The following FAT3 variants were observed in gnomAD, a reference collection of about 807,000 sequenced individuals.
FAT3 encodes protocadherin Fat 3.
A neutral mutation model predicts 310.2 loss-of-function variants in FAT3; 95 were observed. The observed-to-expected ratio is 0.31, with a 90% confidence interval of 0.26 to 0.36. FAT3 has a LOEUF of 0.36. FAT3 is among the 10% of genes least tolerant of loss of function. The probability of loss-of-function intolerance (pLI) is 1.00; values close to 1 mark genes in which losing one functional copy is unlikely to be tolerated. For synonymous variants in FAT3, 2,314 were observed against 2,192.9 expected (o/e 1.06, Z -1.54); for missense variants, 5,408 against 5,715.6 (o/e 0.95, Z 1.74).
In FAT3 at chr11:92,334,931, T is replaced by A. The variant is rs570021982; in HGVS notation, c.-17-17165T>A. ...GACTGCCCTGCGTGTTCACCATTGATTATACCTGTGGAAATTCTTATCCAG... is the reference window on the plus strand; with the variant it reads ...GACTGCCCTGCGTGTTCACCATTGAATATACCTGTGGAAATTCTTATCCAG... On this transcript the variant is annotated intron_variant, in intron 1 of 27. Coordinates refer to ENST00000525166, the MANE Select transcript of FAT3 (RefSeq NM_001367949.2). 2.6e-5 allele frequency among the ~76,000 whole-genome samples: 4 copies of A among 152,282 alleles called. No homozygotes were observed. In the East Asian group the frequency reaches 7.7e-4, roughly 29 times the overall value.
At chr11:92,720,462 C>T (rs1228022849) in intron 4 of FAT3, among the ~76,000 whole-genome samples, 1 of 152,156 alleles carries the variant, frequency 6.6e-6, no homozygotes, top group Non-Finnish European at 1.5e-5. Flanking sequence ...TAGTTCGTTT[C>T]TATAAAATGA....
At chr11:92,533,632 A>G (rs1372123578) in intron 3 of FAT3, among the ~76,000 whole-genome samples, 1 of 152,176 alleles carries the variant, frequency 6.6e-6, no homozygotes, top group East Asian at 1.9e-4. Context: ...GAACTAAATG[A>G]TAAGAGCATA....
rs372222951 is a variant in FAT3 at position 92,866,959 on chromosome 11, C to T, written c.11877C>T (p.Gly3959=). The change falls in exon 22 of 28, where the codon GGC becomes GGT. Residue 3959 remains glycine, a synonymous_variant. Transcript: ENST00000525166. The part of the protein sequence containing the change: ...TLSTESSIYF[G]ALVQADNIRS... ...GCACTGAGAGTAGCATCTACTTCGG[C>T]GCCCTGGTGCAAGCGGATAACATCC... is the stretch of plus-strand genomic sequence containing the variant. 6.9e-5 allele frequency: 111 copies of T among 1,613,162 alleles called. 1 individual carries two copies. Among genetic ancestry groups the T allele is most frequent in the East Asian group, 6.2e-4 (28 of 44,850 alleles).
chr11:92,801,093 G>A lies in FAT3; in HGVS notation c.8080G>A (p.Val2694Ile). The change falls in exon 10 of 28, where the codon GTC becomes ATC. Residue 2694 changes from valine (V) to isoleucine (I), a missense_variant. By Grantham distance (29) the Val-to-Ile change is conservative. This residue lies in a region of FAT3 where 4,588 missense variants were observed against 4,809.8 expected (regional missense o/e 0.95). Coordinates refer to ENST00000525166, the MANE Select transcript of FAT3 (RefSeq NM_001367949.2). The part of the protein sequence containing the change: ...GIPVKHSLIP[V>I]YIHVLPPETF... ...CCCAGTAAAGCACTCCCTCATTCCT[G>A]TCTATATCCACGTCTTGCCCCCTGA... The A allele has an allele frequency of 6.2e-7, 1 of 1,613,910 alleles. No homozygotes were observed. The highest frequency in any genetic ancestry group is 1.1e-5 in the South Asian group (1 of 91,076).
intron 3 of FAT3, among the ~76,000 whole-genome samples, chr11:92,630,151 G>C (rs1450127574): frequency 6.6e-6 from 1 of 152,164 alleles, no homozygotes; most frequent in African/African-American, 2.4e-5. Context: ...CCTGCTGAAT[G>C]AAATGGCATG....
intron 1 of FAT3, among the ~76,000 whole-genome samples, chr11:92,268,389 A>T (rs1417902276): frequency 6.6e-6 from 1 of 152,096 alleles, no homozygotes; most frequent in African/African-American, 2.4e-5. Flanking sequence ...CTAAACAGAG[A>T]TCTTTTCCAT....
At chr11:92,710,139 A>T (rs1028459365) in intron 4 of FAT3, among the ~76,000 whole-genome samples, 4 of 152,204 alleles carry the variant, frequency 2.6e-5, no homozygotes, top group African/African-American at 9.6e-5. Flanking sequence ...ATGCATAAGT[A>T]CTCATTAGTA....
At chr11:92,766,445 C>A (rs975100419) in intron 6 of FAT3, among the ~76,000 whole-genome samples, 3 of 152,186 alleles carry the variant, frequency 2.0e-5, no homozygotes, top group African/African-American at 7.2e-5. Context: ...AATGGCTGTA[C>A]TTGGGAAAAG....
intron 19 of FAT3, among the ~76,000 whole-genome samples, chr11:92,847,914 C>T (rs1004207756): frequency 1.4e-4 from 20 of 146,420 alleles, no homozygotes; most frequent in Admixed American, 2.6e-4. Context: ...TGCCCCTCCC[C>T]CCAAACACAC....
At chr11:92,876,456 C>T (rs1403431289) in intron 22 of FAT3, among the ~76,000 whole-genome samples, 1 of 152,234 alleles carries the variant, frequency 6.6e-6, no homozygotes, top group East Asian at 1.9e-4. Flanking sequence ...TCTGCCTCTA[C>T]CCAGAGACCT....
chr11:92,550,096 CTT>C (rs1954755351), intron 3 of FAT3, among the ~76,000 whole-genome samples: 2 of 152,256 alleles, frequency 1.3e-5, no homozygotes, highest in South Asian at 4.1e-4. Flanking sequence ...AAGGGAAAAA[CTT>C]TCAAGAATTA....
Position 92,454,666 on chromosome 11 carries a change from T to G in FAT3, c.3293-69968T>G, listed in dbSNP as rs1259981084. On this transcript the variant is annotated intron_variant, in intron 2 of 27. Coordinates refer to ENST00000525166, the MANE Select transcript of FAT3 (RefSeq NM_001367949.2). ...GGCCTTTGAGTTGATCTTCCATGTT[T>G]TAGAACTCTGATAGGCATTTGGATG... Among the ~76,000 whole-genome samples the G allele has an allele frequency of 5.3e-5, 8 of 152,158 alleles. 1 individual carries two copies.
chr11:92,865,467 G>A (rs1333331347), intron 21 of FAT3, among the ~76,000 whole-genome samples: 1 of 152,104 alleles, frequency 6.6e-6, no homozygotes, highest in Non-Finnish European at 1.5e-5. Context: ...ACAAGTATCT[G>A]TTCTCTGCAC....
At chr11:92,620,318 G>A (rs912651114) in intron 3 of FAT3, among the ~76,000 whole-genome samples, 6 of 152,090 alleles carry the variant, frequency 3.9e-5, no homozygotes, top group Admixed American at 1.3e-4. Context: ...AGAAAAATAC[G>A]TGCTCTGTTG....
rs1443953943 is a variant in FAT3, at chr11:92,409,955, G to GT, written c.3292+54558dup. Among the ~76,000 whole-genome samples, 7 of 152,130 alleles carry GT rather than the reference G, an allele frequency of 4.6e-5. No homozygotes were observed. In the South Asian group the frequency reaches 6.2e-4, roughly 14 times the overall value. On this transcript the variant is annotated intron_variant, in intron 2 of 27. Coordinates refer to ENST00000525166, the MANE Select transcript of FAT3 (RefSeq NM_001367949.2). ...CTACTAAAGTGTCCTGATGTGTTGG[G>GT]TTTTTTTGACTCATTTGTAAGAAGA...
intron 22 of FAT3, among the ~76,000 whole-genome samples, chr11:92,875,985 G>T (rs1382577534): frequency 2.0e-5 from 3 of 152,158 alleles, no homozygotes. Context: ...ACCTGAGTTA[G>T]AATCCAGTTT....
chr11:92,350,716 G>A (rs1948541925), intron 1 of FAT3, among the ~76,000 whole-genome samples: 1 of 151,552 alleles, frequency 6.6e-6, no homozygotes, highest in Admixed American at 6.6e-5. Flanking sequence ...TATGTCATTG[G>A]GTAAAATAGT....
rs868744035 is a variant in FAT3, at chr11:92,761,909, G to A, written c.3723G>A (p.Val1241=). 2 of 1,613,932 alleles carry A rather than the reference G, an allele frequency of 1.2e-6. No individual in the cohort carries two copies. The highest frequency in any genetic ancestry group is 1.7e-5 in the Admixed American group (1 of 60,018). ...PSPKQSTIWV[V]VQVLDENDNK... ...CAAAACAGTCAACCATTTGGGTGGT[G>A]GTTCAGGTTCTAGATGAAAATGACA... is the stretch of plus-strand genomic sequence containing the variant. The change falls in exon 5 of 28, where the codon GTG becomes GTA. Residue 1241 remains valine, a synonymous_variant. Transcript: ENST00000525166.
intron 3 of FAT3, among the ~76,000 whole-genome samples, chr11:92,584,296 A>G (rs1939012395): frequency 2.0e-5 from 3 of 152,016 alleles, no homozygotes; most frequent in Admixed American, 2.0e-4. Flanking sequence ...GGTGACTGTA[A>G]TGGTGCTTCT....
Sources: gnomAD v4.1 joint callset for allele counts (sites outside exome capture counted in the v4.1 genomes callset) on GRCh38, gnomAD v4.1.1 for gene constraint, gnomAD v4.1.1 regional missense constraint, MANE v1.5 for transcripts, NCBI Gene and HGNC (gene_info 2026-07-23, HGNC 2026-07-21) for gene names.